The following PACRG variants were observed in gnomAD, a reference collection of about 807,000 sequenced individuals.
PACRG encodes the protein parkin coregulated gene protein.
In PACRG, 29 loss-of-function variants were observed where a neutral mutation model predicts 29.7. That is an observed-to-expected ratio of 0.98 (90% CI 0.73 to 1.33). The LOEUF is 1.33. Ranked by LOEUF, PACRG falls within the 40% of genes most tolerant of loss-of-function variation. PACRG has a pLI of 0.00. For missense variants in PACRG, 279 were observed against 316.2 expected (o/e 0.88, Z 0.89); for synonymous variants, 116 against 118.7 (o/e 0.98, Z 0.15).
At chr6:163,083,378 T>C (rs1813255683) in intron 3 of PACRG, among the ~76,000 whole-genome samples, 1 of 152,234 alleles carries the variant, frequency 6.6e-6, no homozygotes, top group African/African-American at 2.4e-5. Flanking sequence ...CCAGTCTTCC[T>C]GCTTTTGCTT....
chr6:162,872,654 G>A (rs1792924641), intron 2 of PACRG, among the ~76,000 whole-genome samples: 1 of 152,124 alleles, frequency 6.6e-6, no homozygotes, highest in South Asian at 2.1e-4. Flanking sequence ...GGAAAGAAGA[G>A]GGAGGGAGGG....
rs145333103 is a variant in PACRG, at chr6:163,210,081, A to G, written c.614-104746A>G. 5.9e-3 allele frequency among the ~76,000 whole-genome samples: 903 copies of G among 152,332 alleles called. 6 individuals are homozygous for G. The highest frequency in any genetic ancestry group is 0.027 in the South Asian group (132 of 4,828). On this transcript the variant is annotated intron_variant, in intron 4 of 4. Transcript: ENST00000366888. ...TCCATGAGGACCATTGTCACCCGTC[A>G]TGCTCATGAGAGTCACGGCCTACGC...
intron 4 of PACRG, among the ~76,000 whole-genome samples, chr6:163,169,201 C>T (rs1018193804): frequency 6.6e-6 from 1 of 152,150 alleles, no homozygotes; most frequent in Non-Finnish European, 1.5e-5. Context: ...TGATAAAAAC[C>T]ATGATGATCA....
intron 4 of PACRG, among the ~76,000 whole-genome samples, chr6:163,120,176 A>T (rs900784482): frequency 6.6e-6 from 1 of 152,078 alleles, no homozygotes; most frequent in Non-Finnish European, 1.5e-5. Context: ...ATAAGAGGGA[A>T]AGCTATAGTG....
chr6:162,801,781 A>G (rs1000881952), intron 1 of PACRG, among the ~76,000 whole-genome samples: 3 of 152,156 alleles, frequency 2.0e-5, no homozygotes, highest in Non-Finnish European at 4.4e-5. Context: ...TTTGGTTATA[A>G]GATTGTAGTA....
chr6:163,089,185 A>C, intron 3 of PACRG, 74 bp from the exon 4 acceptor site: 1 of 1,484,820 alleles, frequency 6.7e-7, no homozygotes, highest in Non-Finnish European at 9.2e-7. Flanking sequence ...CCACAAGACA[A>C]CTTTACCTTA....
At chr6:162,747,390 GTATATATATA>G (rs59979611) in intron 1 of PACRG, among the ~76,000 whole-genome samples, 1 of 44,260 alleles carries the variant, frequency 2.3e-5, no homozygotes, top group African/African-American at 7.8e-5. Context: ...GTATATATAT[GTATATATATA>G]TGTATATATA....
intron 2 of PACRG, among the ~76,000 whole-genome samples, chr6:162,828,761 C>T (rs745500218): frequency 3.9e-5 from 6 of 151,934 alleles, no homozygotes; most frequent in Non-Finnish European, 5.9e-5. Context: ...AATAAGAGTC[C>T]TAACTTAATA....
At chr6:163,283,837 G>C (rs1784302922) in intron 4 of PACRG, among the ~76,000 whole-genome samples, 2 of 150,758 alleles carry the variant, frequency 1.3e-5, no homozygotes, top group African/African-American at 4.9e-5. Context: ...ATTTAGGCCA[G>C]ATGCGGTGGC....
At chr6:162,947,608 A>ATTTATAT (rs1554313269) in intron 2 of PACRG, among the ~76,000 whole-genome samples, 1 of 66,346 alleles carries the variant, frequency 1.5e-5, no homozygotes, top group Non-Finnish European at 2.7e-5. Context: ...ATATATATAT[A>ATTTATAT]ATCATATATA....
chr6:163,273,690 G>A (rs1252829264), intron 4 of PACRG, among the ~76,000 whole-genome samples: 1 of 151,686 alleles, frequency 6.6e-6, no homozygotes, highest in African/African-American at 2.4e-5. Flanking sequence ...GATATTTCCT[G>A]TTTGCAAGTT....
intron 4 of PACRG, among the ~76,000 whole-genome samples, chr6:163,095,904 A>T (rs777342127): frequency 1.3e-5 from 2 of 152,140 alleles, no homozygotes; most frequent in Non-Finnish European, 2.9e-5. Flanking sequence ...CAGATGATAT[A>T]CCTCTTTCCT....
intron 4 of PACRG, among the ~76,000 whole-genome samples, chr6:163,189,072 G>T (rs1219653581): frequency 6.6e-6 from 1 of 152,224 alleles, no homozygotes; most frequent in Non-Finnish European, 1.5e-5. Context: ...GTTGGGGAAT[G>T]CTGAGATGGA....
chr6:162,747,353 T>C lies in PACRG; in HGVS notation c.156+18962T>C, dbSNP rs1322435413. 8.4e-4 allele frequency among the ~76,000 whole-genome samples: 63 copies of C among 74,798 alleles called. 3 individuals carry two copies. Among genetic ancestry groups the C allele is most frequent in the South Asian group, 1.9e-3 (3 of 1,600 alleles). 49.1% of individuals were successfully genotyped at this position (74,798 alleles called of 152,430 possible). ...ATATATATATATATATATATATATA[T>C]ATATATATATACACATACATATATA... On this transcript the variant is annotated intron_variant, in intron 1 of 4. Transcript: ENST00000366888.
chr6:162,999,579 G>T (rs923144015), intron 2 of PACRG, among the ~76,000 whole-genome samples: 1 of 152,158 alleles, frequency 6.6e-6, no homozygotes, highest in African/African-American at 2.4e-5. Flanking sequence ...AAACAAGACT[G>T]GCTTGGCCTT....
intron 1 of PACRG, among the ~76,000 whole-genome samples, chr6:162,791,303 G>GTTTT (rs1272846363): frequency 1.2e-5 from 1 of 85,100 alleles, no homozygotes; most frequent in African/African-American, 5.4e-5. Flanking sequence ...CTCCTAGTTT[G>GTTTT]TTTGTTTGTT....
intron 2 of PACRG, among the ~76,000 whole-genome samples, chr6:162,983,231 A>T (rs1802581514): frequency 6.6e-6 from 1 of 152,024 alleles, no homozygotes; most frequent in Admixed American, 6.6e-5. Flanking sequence ...AAGACAGCAG[A>T]TACTTGGTTA....
chr6:163,006,998 GTT>G (rs1219993744), intron 2 of PACRG, among the ~76,000 whole-genome samples: 2 of 151,152 alleles, frequency 1.3e-5, no homozygotes, highest in African/African-American at 4.9e-5. Context: ...CTGGTTCCAT[GTT>G]TTTCCTTTTG....
chr6:163,226,291 T>A (rs1311934061), intron 4 of PACRG, among the ~76,000 whole-genome samples: 1 of 152,182 alleles, frequency 6.6e-6, no homozygotes, highest in Non-Finnish European at 1.5e-5. Context: ...CACTGCAGTC[T>A]GGTGACGCTG....
Sources: gnomAD v4.1 joint callset for allele counts (sites outside exome capture counted in the v4.1 genomes callset) on GRCh38, gnomAD v4.1.1 for gene constraint, MANE v1.5 for transcripts, NCBI Gene and HGNC (gene_info 2026-07-23, HGNC 2026-07-21) for gene names.